Variants in DIP2C observed in about 807,000 individuals in gnomAD.
The protein encoded by DIP2C is disco-interacting protein 2 homolog C.
A neutral mutation model predicts 192.4 loss-of-function variants in DIP2C; 33 were observed. That is an observed-to-expected ratio of 0.17 (90% CI 0.13 to 0.23). DIP2C has a LOEUF of 0.23. Among genes scored for constraint, DIP2C ranks in the 10% least tolerant of loss-of-function variants. DIP2C has a pLI of 1.00. For synonymous variants in DIP2C, 979 were observed against 864.1 expected (o/e 1.13, Z -2.33); for missense variants, 1,537 against 2,110.1 (o/e 0.73, Z 5.32).
intron 3 of DIP2C, among the ~76,000 whole-genome samples, chr10:470,119 T>C (rs1177442896): frequency 2.6e-5 from 4 of 152,150 alleles, no homozygotes; most frequent in Non-Finnish European, 1.5e-5. Context: ...GGCGAATATG[T>C]AGACAGATGC....
chr10:591,879 G>A (rs1254728135), intron 1 of DIP2C, among the ~76,000 whole-genome samples: 3 of 152,226 alleles, frequency 2.0e-5, no homozygotes, highest in Non-Finnish European at 4.4e-5. Context: ...GGAAGACAGC[G>A]GCGGCCTGAA....
Position 356,500 on chromosome 10 carries a change from A to G in DIP2C, c.2911T>C (p.Phe971Leu), listed in dbSNP as rs1959089576. ...EDNDQARKFL[F>L]LSEVLQWRAQ... The stretch of plus-strand genomic sequence containing the variant: ...CTCCACTGCAAGACCTCTGAGAGGA[A>G]CAGGAACTGGAACAGAGCACGGGCA... Residue 971 changes from phenylalanine to leucine, a missense_variant, in exon 24 of 37, where the codon TTC (phenylalanine) becomes CTC (leucine). By Grantham distance (22) the Phe-to-Leu change is conservative (BLOSUM62 0). This residue lies in a region of DIP2C where 677 missense variants were observed against 989.9 expected (regional missense o/e 0.68). Transcript: ENST00000280886. 1 of 1,611,770 alleles carries G rather than the reference A, an allele frequency of 6.2e-7. No individual in the cohort carries two copies. Among genetic ancestry groups the G allele is most frequent in the Non-Finnish European group, 8.5e-7 (1 of 1,179,538 alleles).
rs551727185 is a variant in DIP2C, at chr10:624,421, G to A, written c.85+65073C>T. On this transcript the variant is annotated intron_variant, in intron 1 of 36. Transcript: ENST00000280886. ...GGGCCCCAAAACACAAGCACAGCCTGAGGAAGGCAGCGCCCGCTCAGCTCC... is the reference window on the plus strand; with the variant it reads ...GGGCCCCAAAACACAAGCACAGCCTAAGGAAGGCAGCGCCCGCTCAGCTCC... Among the ~76,000 whole-genome samples the A allele has an allele frequency of 3.3e-5, 5 of 152,362 alleles. No homozygotes were observed. The South Asian group carries it at 6.2e-4, about 19-fold the overall frequency.
At position 369,478 on chromosome 10, in the gene DIP2C, C is replaced by T. The variant is rs202030424; in HGVS notation, c.2131+16G>A. ...TAATAACTGGTTAATCTGTGCAGCT[C>T]GCGACCCACACTCACCTCCAGGCAT... On this transcript the variant is annotated intron_variant, in intron 18 of 36. Transcript: ENST00000280886. 1,057 of 1,525,800 alleles carry T rather than the reference C, an allele frequency of 6.9e-4. 7 individuals carry two copies. The Middle Eastern group carries it at 8.4e-3, about 12-fold the overall frequency. The allele number at this position is 1,525,800 out of a possible 1,614,324, so 94.5% of individuals were successfully genotyped here. A position where few individuals can be genotyped will look rare whatever the true frequency, so the allele number is the denominator to read the frequency against.
At chr10:324,778 T>C in intron 31 of DIP2C, 1 of 382,920 alleles carries the variant, frequency 2.6e-6, no homozygotes, top group Non-Finnish European at 5.4e-6. Flanking sequence ...CCACCACGTG[T>C]CAGGCCCCGC....
intron 1 of DIP2C, chr10:665,461 T>C (rs1406487277): frequency 6.6e-6 from 1 of 152,150 alleles, no homozygotes. Context: ...GCATGGAAAA[T>C]ATTTTCAGTA....
intron 1 of DIP2C, among the ~76,000 whole-genome samples, chr10:521,886 C>G (rs189031030): frequency 1.3e-5 from 2 of 152,224 alleles, no homozygotes; most frequent in African/African-American, 4.8e-5. Context: ...TCCCCCACCC[C>G]CACCGGACCA....
At chr10:618,772 A>G (rs1342774823) in intron 1 of DIP2C, among the ~76,000 whole-genome samples, 1 of 152,228 alleles carries the variant, frequency 6.6e-6, no homozygotes, top group Non-Finnish European at 1.5e-5. Context: ...CTCGGTCCAC[A>G]CAGACACGTG....
chr10:451,879 A>T (rs1447604542), intron 3 of DIP2C, among the ~76,000 whole-genome samples: 4 of 152,226 alleles, frequency 2.6e-5, no homozygotes, highest in Non-Finnish European at 4.4e-5. Context: ...AAGGCAAAAG[A>T]CATTTTAAGA....
intron 1 of DIP2C, among the ~76,000 whole-genome samples, chr10:579,114 C>T (rs1850390855): frequency 6.6e-6 from 1 of 152,046 alleles, no homozygotes; most frequent in African/African-American, 2.4e-5. Flanking sequence ...AGTGTAGGTA[C>T]ATAGGTACAC....
At chr10:334,886 A>G (rs1196446813) in intron 29 of DIP2C, among the ~76,000 whole-genome samples, 1 of 152,194 alleles carries the variant, frequency 6.6e-6, no homozygotes, top group East Asian at 1.9e-4. Flanking sequence ...CAATTTTGTT[A>G]ACCTATTTTA....
intron 9 of DIP2C, among the ~76,000 whole-genome samples, chr10:404,839 A>C (rs1404312898): frequency 6.6e-6 from 1 of 152,256 alleles, no homozygotes; most frequent in African/African-American, 2.4e-5. Flanking sequence ...AGCCACAACC[A>C]ATTATTTCTT....
intron 32 of DIP2C, among the ~76,000 whole-genome samples, chr10:294,326 G>A (rs370739008): frequency 6.6e-6 from 1 of 152,114 alleles, no homozygotes; most frequent in Non-Finnish European, 1.5e-5. Context: ...AATACTCTGG[G>A]TGCATCAATA....
chr10:400,671 G>A (rs987490698), intron 9 of DIP2C, among the ~76,000 whole-genome samples: 1 of 151,372 alleles, frequency 6.6e-6, no homozygotes, highest in Non-Finnish European at 1.5e-5. Flanking sequence ...CTTCCTTATG[G>A]ACAAGTTTGG....
intron 17 of DIP2C, among the ~76,000 whole-genome samples, chr10:378,810 C>A (rs1041505018): frequency 8.9e-6 from 1 of 112,870 alleles, no homozygotes; most frequent in Non-Finnish European, 1.8e-5. Context: ...CATAAAGACA[C>A]AAATGAACAG....
intron 7 of DIP2C, among the ~76,000 whole-genome samples, chr10:414,498 C>G (rs1176343771): frequency 6.6e-6 from 1 of 151,970 alleles, no homozygotes; most frequent in Non-Finnish European, 1.5e-5. Flanking sequence ...TATATTTTGT[C>G]CTGAAAGATT....
intron 1 of DIP2C, among the ~76,000 whole-genome samples, chr10:552,668 G>A (rs1367931640): frequency 1.3e-5 from 2 of 152,222 alleles, no homozygotes; most frequent in East Asian, 1.9e-4. Flanking sequence ...GGCTAACACG[G>A]TGAAACCCCG....
chr10:686,814 G>GCATGTAATGGCGCC (rs1465259712), intron 1 of DIP2C, among the ~76,000 whole-genome samples: 1 of 152,256 alleles, frequency 6.6e-6, no homozygotes, highest in Non-Finnish European at 1.5e-5. Context: ...CACCAGCAGT[G>GCATGTAATGGCGCC]CATGTAATGG....
intron 5 of DIP2C, among the ~76,000 whole-genome samples, chr10:419,884 C>A (rs897864293): frequency 2.6e-5 from 4 of 152,176 alleles, no homozygotes; most frequent in Admixed American, 2.6e-4. Flanking sequence ...TTACAGCACC[C>A]CCTGGAGATA....
Sources: gnomAD v4.1 joint callset for allele counts (sites outside exome capture counted in the v4.1 genomes callset) on GRCh38, gnomAD v4.1.1 for gene constraint, gnomAD v4.1.1 regional missense constraint, MANE v1.5 for transcripts, NCBI Gene and HGNC (gene_info 2026-07-23, HGNC 2026-07-21) for gene names.